Variants in ATAD3B observed in about 807,000 individuals in gnomAD.
ATAD3B encodes the protein ATPase family AAA domain containing 3B.
Under a neutral mutation model 70.2 loss-of-function variants are expected in ATAD3B, and 59 were observed. That is an observed-to-expected ratio of 0.84 (90% confidence interval 0.68 to 1.04). The LOEUF is 1.04. Ranked by LOEUF, ATAD3B falls within the 50% of genes least tolerant of loss-of-function variation. The pLI is 0.00. For synonymous variants in ATAD3B, 423 were observed against 388.6 expected (o/e 1.09, Z -1.04); for missense variants, 961 against 913.4 (o/e 1.05, Z -0.67).
intron 2 of ATAD3B, among the ~76,000 whole-genome samples, chr1:1,477,850 C>T (rs79272519): frequency 6.8e-6 from 1 of 147,982 alleles, no homozygotes; most frequent in African/African-American, 2.6e-5. Context: ...GGATTACAGG[C>T]ACGCGCCACC....
At position 1,482,634 on chromosome 1, in the gene ATAD3B, A is replaced by G. The variant is rs1346497007; in HGVS notation, c.750+20A>G. ...GCCACGGTAAACATATTCATAAAAC[A>G]GGGCTGGCAGGTGGCTGAGAGGCAG... On this transcript the variant is annotated intron_variant, in intron 7 of 15. Coordinates refer to ENST00000673477, the MANE Select transcript of ATAD3B (RefSeq NM_031921.6). 1.5e-5 allele frequency: 25 copies of G among 1,613,294 alleles called. No homozygotes were observed. Among genetic ancestry groups the G allele is most frequent in the Non-Finnish European group, 2.0e-5 (24 of 1,179,510 alleles).
downstream of ATAD3B, among the ~76,000 whole-genome samples, chr1:1,501,198 C>T (rs968970574): frequency 6.6e-6 from 1 of 152,088 alleles, no homozygotes; most frequent in African/African-American, 2.4e-5. Flanking sequence ...AAGCGATTCT[C>T]CTGCCTCAGC....
At chr1:1,499,035 G>A (rs570202020), downstream of ATAD3B, among the ~76,000 whole-genome samples, 14 of 150,144 alleles carry the variant, frequency 9.3e-5, no homozygotes, top group South Asian at 2.1e-3. Flanking sequence ...GCAGTGGCGC[G>A]ATCTCAGCTC....
chr1:1,482,427 C>A (rs891973215), intron 6 of ATAD3B, 118 bp from the exon 7 acceptor site: 1 of 1,588,890 alleles, frequency 6.3e-7, no homozygotes, highest in Non-Finnish European at 8.6e-7. Flanking sequence ...GGTGGGGGCA[C>A]TGCCCCTCTG....
At chr1:1,476,494 A>G (rs1570193169) in intron 1 of ATAD3B, among the ~76,000 whole-genome samples, 1 of 150,178 alleles carries the variant, frequency 6.7e-6, no homozygotes, top group Non-Finnish European at 1.5e-5. Flanking sequence ...CCTACTTTAC[A>G]CGTCTTTCTG....
chr1:1,507,938 G>A, the ATAD3B span, among the ~76,000 whole-genome samples: 5 of 152,206 alleles, frequency 3.3e-5, no homozygotes, highest in Non-Finnish European at 7.3e-5. Flanking sequence ...ACCCGCGACT[G>A]GGTCTTGCCC....
chr1:1,482,003 C>T (rs1297423029), intron 5 of ATAD3B, 135 bp from the exon 6 acceptor site: 37 of 1,409,212 alleles, frequency 2.6e-5, no homozygotes, highest in East Asian at 7.5e-5. Flanking sequence ...TGGGCCGGTC[C>T]GTGGCATGGG....
chr1:1,485,015 G>T lies in ATAD3B; in HGVS notation c.751-1G>T, dbSNP rs759726455. 2 of 1,601,420 alleles carry T rather than the reference G, an allele frequency of 1.2e-6. No homozygotes were observed. The highest frequency in any genetic ancestry group is 3.4e-5 in the Admixed American group (2 of 58,668). On this transcript the variant is annotated splice_acceptor_variant, in intron 7 of 15. Transcript: ENST00000673477. LOFTEE classifies it high-confidence loss of function. ...GCGCCAGTGCGGTGTCTCTGCTGCA[G>T]GTGGCTGGGCTGACGCTGCTGGCTG...
chr1:1,480,558 G>A lies in ATAD3B; in HGVS notation c.445-309G>A, dbSNP rs184216009. 9.3e-4 allele frequency among the ~76,000 whole-genome samples: 138 copies of A among 147,936 alleles called. 12 individuals carry two copies. Among genetic ancestry groups the A allele is most frequent in the African/African-American group, 3.3e-3 (131 of 39,772 alleles). On this transcript the variant is annotated intron_variant, in intron 4 of 15. Transcript: ENST00000673477. ...AACGTTTAATTGGCGGAAGACAGAA[G>A]CTTCCTTAAGCCCAGCCTGAATCAG... is the stretch of plus-strand genomic sequence containing the variant.
chr1:1,485,459 G>A (rs1190194186), intron 8 of ATAD3B, among the ~76,000 whole-genome samples: 37 of 152,198 alleles, frequency 2.4e-4, no homozygotes, highest in Middle Eastern at 3.4e-3. Flanking sequence ...GCGGCCGTCT[G>A]TCGGGGAAGC....
Position 1,497,498 on chromosome 1 carries a change from C to G in ATAD3B, c.*1681C>G, listed in dbSNP as rs551217919. 3.3e-5 allele frequency: 5 copies of G among 150,004 alleles called. No individual in the cohort carries two copies. The highest frequency in any genetic ancestry group is 7.4e-5 in the African/African-American group (3 of 40,384). 9.3% of individuals were successfully genotyped at this position (150,004 alleles called of 1,614,324 possible). On this transcript the variant is annotated 3_prime_UTR_variant, in exon 16 of 16. Transcript: ENST00000673477. ...CTCCCGCCTCTACAGGATGAGCCACCAAGCCTGGCCTCAATTCCTCTTTAA... is the reference window on the plus strand; with the variant it reads ...CTCCCGCCTCTACAGGATGAGCCACGAAGCCTGGCCTCAATTCCTCTTTAA...
chr1:1,500,604 A>AAT (rs374188904), downstream of ATAD3B, among the ~76,000 whole-genome samples: 4,316 of 148,776 alleles, frequency 0.029, 195 homozygotes, highest in African/African-American at 0.098. Context: ...CATTCAGTCT[A>AAT]ATATATATAT....
the ATAD3B span, chr1:1,509,293 T>A: frequency 5.3e-5 from 85 of 1,611,168 alleles, no homozygotes; most frequent in Middle Eastern, 3.3e-4. Context: ...CACCAGCAGA[T>A]GATGCGCTGG....
chr1:1,506,306 A>G, the ATAD3B span, among the ~76,000 whole-genome samples: 1 of 152,028 alleles, frequency 6.6e-6, no homozygotes, highest in Non-Finnish European at 1.5e-5. Flanking sequence ...TCAACGTATT[A>G]ATGCTTTTTC....
chr1:1,494,522 C>A (rs1252527602), intron 15 of ATAD3B, among the ~76,000 whole-genome samples: 1 of 151,794 alleles, frequency 6.6e-6, no homozygotes, highest in Admixed American at 6.6e-5. Flanking sequence ...CTCCCGGGCC[C>A]CCGACCCACA....
At chr1:1,483,472 A>C in intron 7 of ATAD3B, 1 of 199,742 alleles carries the variant, frequency 5.0e-6, no homozygotes, top group Non-Finnish European at 1.0e-5. Context: ...TGTCTCAAAA[A>C]AACAAACAAA....
downstream of ATAD3B, among the ~76,000 whole-genome samples, chr1:1,502,673 G>A (rs998909202): frequency 1.0e-4 from 15 of 150,476 alleles, no homozygotes; most frequent in African/African-American, 2.7e-4. Context: ...CGACATGCCC[G>A]GCTAATTTTT....
chr1:1,495,498 C>T lies in ATAD3B; in HGVS notation c.1628C>T (p.Ala543Val), dbSNP rs779375183. The change falls in exon 16 of 16, where the codon GCC becomes GTC. Residue 543 changes from alanine (A) to valine (V), a missense_variant. Around this residue, in one of 4 missense-constraint regions of ATAD3B, gnomAD observed 417 missense variants for 335.0 expected, o/e 1.24. Transcript: ENST00000673477. Reference protein sequence around the residue: ...LAVSWQATAYASKDGVLTEAM... With the variant: ...LAVSWQATAYVSKDGVLTEAM... ...TCTCTTCACTAGGCCACGGCATATG[C>T]CTCCAAGGACGGGGTCCTCACTGAG... 6 of 1,607,234 alleles carry T rather than the reference C, an allele frequency of 3.7e-6. No homozygotes were observed. The highest frequency in any genetic ancestry group is 4.3e-6 in the Non-Finnish European group (5 of 1,175,334).
At chr1:1,472,169 C>G in intron 1 of ATAD3B, 80 bp downstream of exon 1, 1 of 1,354,264 alleles carries the variant, frequency 7.4e-7, no homozygotes, top group Non-Finnish European at 9.6e-7. Context: ...CTTGCCGCTC[C>G]TCGCTGCTGT....
Sources: gnomAD v4.1 joint callset for allele counts (sites outside exome capture counted in the v4.1 genomes callset) on GRCh38, gnomAD v4.1.1 for gene constraint, gnomAD v4.1.1 regional missense constraint, MANE v1.5 for transcripts, NCBI Gene and HGNC (gene_info 2026-07-23, HGNC 2026-07-21) for gene names.